The following TLE6 variants were observed in gnomAD, a reference collection of about 807,000 sequenced individuals.
The protein encoded by TLE6 is transducin-like enhancer protein 6.
In TLE6, 72 loss-of-function variants were observed where a neutral mutation model predicts 77.1. The observed-to-expected ratio is 0.93, with a 90% CI of 0.77 to 1.14. The LOEUF (loss-of-function observed/expected upper bound fraction) is 1.14. Ranked by LOEUF, TLE6 falls within the 50% of genes most tolerant of loss-of-function variation. TLE6 has a pLI of 0.00. For synonymous variants in TLE6, 366 were observed against 287.3 expected, an observed-to-expected ratio of 1.27 and a Z score of -2.77; for missense variants, 843 against 747.6, an observed-to-expected ratio of 1.13 and a Z score of -1.49.
intron 11 of TLE6, 112 bp downstream of exon 11, chr19:2,988,240 T>G: frequency 8.6e-7 from 1 of 1,158,502 alleles, no homozygotes; most frequent in African/African-American, 1.5e-5. Context: ...AAGACTTTCT[T>G]CCCCTTTTCC....
chr19:2,988,903 A>T, intron 11 of TLE6, 158 bp from the exon 12 acceptor site: 1 of 1,034,858 alleles, frequency 9.7e-7, no homozygotes, highest in Non-Finnish European at 1.4e-6. Flanking sequence ...TTGAAGGAAT[A>T]TGAGCAGGAC....
intron 5 of TLE6, 21 bp from the exon 6 acceptor site, chr19:2,986,808 T>G (rs771211171): frequency 5.2e-6 from 8 of 1,551,308 alleles, no homozygotes; most frequent in South Asian, 3.6e-5. Context: ...TTTAACTGTT[T>G]TGCTGCCAAC....
At position 2,993,601 on chromosome 19, in the gene TLE6, A is replaced by G. The variant is rs1599174821; in HGVS notation, c.1537+19A>G. On this transcript the variant is annotated intron_variant, in intron 15 of 16. Transcript: ENST00000246112. ...CCCTTTGGTAAGCGGCTGGCGGAAG[A>G]TGAGGGGACTCCCCTGCAGCCCCCA... 1 of 1,537,990 alleles carries G rather than the reference A, an allele frequency of 6.5e-7. No individual in the cohort carries two copies. Among genetic ancestry groups the G allele is most frequent in the Middle Eastern group, 1.8e-4 (1 of 5,528 alleles).
chr19:2,993,359 C>T, intron 14 of TLE6, 73 bp from the exon 15 acceptor site: 3 of 1,502,606 alleles, frequency 2.0e-6, no homozygotes, highest in East Asian at 2.4e-5. Context: ...GATAGGTCCC[C>T]AGGCTCCTGC....
intron 13 of TLE6, among the ~76,000 whole-genome samples, chr19:2,990,694 TAAATATATA>T (rs879919154): frequency 0.068 from 8,487 of 125,444 alleles, 287 homozygotes; most frequent in African/African-American, 0.11. Context: ...AATATATACA[TAAATATATA>T]CATATATAAA....
intron 5 of TLE6, among the ~76,000 whole-genome samples, chr19:2,985,228 C>T (rs1000080333): frequency 3.3e-5 from 5 of 151,602 alleles, no homozygotes; most frequent in Non-Finnish European, 5.9e-5. Flanking sequence ...CCAGCCTGGG[C>T]GACAGAGCAA....
At chr19:2,982,036 A>C (rs748502680) in intron 4 of TLE6, 112 bp from the exon 5 acceptor site, 15 of 1,149,558 alleles carry the variant, frequency 1.3e-5, no homozygotes, top group Non-Finnish European at 1.8e-5. Flanking sequence ...AGGTGAAAAC[A>C]AAAATTTAAG....
Position 2,995,127 on chromosome 19 carries a change from T to C in TLE6, c.*123T>C. The C allele has an allele frequency of 1.6e-6, 1 of 643,570 alleles. No homozygotes were observed. The highest frequency in any genetic ancestry group is 2.7e-6 in the Non-Finnish European group (1 of 367,122). The allele number at this position is 643,570 out of a possible 1,614,324, so 39.9% of individuals were successfully genotyped here. ...TCTTCTGTGGCATCGCACGATCTAG[T>C]CTGTGGTGTAGACTGGTCGCCATCA... On this transcript the variant is annotated 3_prime_UTR_variant, in exon 17 of 17. Transcript: ENST00000246112.
chr19:2,993,789 C>T (rs1009964238), intron 15 of TLE6, among the ~76,000 whole-genome samples: 14 of 151,420 alleles, frequency 9.2e-5, no homozygotes, highest in Non-Finnish European at 1.5e-4. Flanking sequence ...GCCCCACCGG[C>T]GCGGTCCGCC....
At chr19:2,994,661 G>A (rs1452432918) in intron 16 of TLE6, among the ~76,000 whole-genome samples, 1 of 151,826 alleles carries the variant, frequency 6.6e-6, no homozygotes, top group Non-Finnish European at 1.5e-5. Context: ...ATAATTAGCT[G>A]AGTGTGGTGG....
At chr19:2,987,405 G>C in intron 8 of TLE6, 33 bp downstream of exon 8, 3 of 1,612,666 alleles carry the variant, frequency 1.9e-6, no homozygotes, top group Non-Finnish European at 2.5e-6. Flanking sequence ...ATCCAGAGGG[G>C]TGGGCTTCCG....
At chr19:2,994,816 C>A in intron 16 of TLE6, 84 bp from the exon 17 acceptor site, 2 of 741,334 alleles carry the variant, frequency 2.7e-6, no homozygotes, top group South Asian at 1.7e-5. Flanking sequence ...TTTGAAGAGA[C>A]GATGCTTCAT....
intron 2 of TLE6, among the ~76,000 whole-genome samples, chr19:2,978,692 G>A (rs957022227): frequency 2.0e-5 from 3 of 152,116 alleles, no homozygotes; most frequent in Non-Finnish European, 4.4e-5. Context: ...AGGAGTTTGA[G>A]GCTGCAGTGA....
At chr19:2,988,958 C>T in intron 11 of TLE6, 103 bp from the exon 12 acceptor site, 3 of 1,522,958 alleles carry the variant, frequency 2.0e-6, no homozygotes, top group Non-Finnish European at 2.6e-6. Flanking sequence ...AGAGAGGGAC[C>T]CCAAAATCTG....
rs2088984272 is a variant in TLE6 at position 2,989,175 on chromosome 19, C to CG, written c.859dup (p.Glu287GlyfsTer34). On this transcript the variant is annotated frameshift_variant, in exon 12 of 17. Transcript: ENST00000246112. LOFTEE classifies it high-confidence loss of function. ...TGGAAAAGATGCGGATCTTGGCACA[C>CG]GGGGAGCTCGTGCTCGCCACGGCCA... 6.2e-6 allele frequency: 10 copies of CG among 1,614,100 alleles called. No individual in the cohort carries two copies. The highest frequency in any genetic ancestry group is 8.5e-6 in the Non-Finnish European group (10 of 1,180,046).
chr19:2,991,197 T>C (rs1276325664), intron 13 of TLE6, among the ~76,000 whole-genome samples: 1 of 147,214 alleles, frequency 6.8e-6, no homozygotes, highest in Non-Finnish European at 1.5e-5. Context: ...CCATCTCTAC[T>C]AAAAATACAA....
intron 11 of TLE6, 118 bp from the exon 12 acceptor site, chr19:2,988,943 G>A: frequency 6.9e-7 from 1 of 1,447,270 alleles, no homozygotes. Context: ...GTAAAACAAG[G>A]CCTGAGAGAG....
chr19:2,979,557 A>G (rs114257226), intron 2 of TLE6, among the ~76,000 whole-genome samples: 1 of 151,858 alleles, frequency 6.6e-6, no homozygotes, highest in Admixed American at 6.6e-5. Flanking sequence ...TTTTATTTTT[A>G]AAAATATTTT....
intron 16 of TLE6, 26 bp from the exon 17 acceptor site, chr19:2,994,874 C>T (rs200318234): frequency 1.4e-6 from 2 of 1,455,294 alleles, no homozygotes; most frequent in Non-Finnish European, 1.9e-6. Flanking sequence ...CCTACCCCAG[C>T]TCACTGCCCA....
Sources: allele counts gnomAD v4.1 joint callset (sites outside exome capture counted in the v4.1 genomes callset), GRCh38; gene constraint gnomAD v4.1.1; transcripts MANE v1.5; gene names NCBI Gene and HGNC (gene_info 2026-07-23, HGNC 2026-07-21).